Variants in DLGAP2 observed in about 807,000 individuals in gnomAD.
DLGAP2 encodes DLG associated protein 2.
DLGAP2 carries 26 observed loss-of-function variants against 100.3 expected under a neutral mutation model. The observed-to-expected ratio is 0.26, with a 90% CI of 0.19 to 0.36. The LOEUF (loss-of-function observed/expected upper bound fraction) is 0.36, where lower values mean the gene tolerates loss of function less well. Ranked by LOEUF, DLGAP2 falls within the 10% of genes least tolerant of loss-of-function variation. The pLI is 1.00. For synonymous variants in DLGAP2, 886 were observed against 630.1 expected, an observed-to-expected ratio of 1.41 and a Z score of -6.08; for missense variants, 1,858 against 1,453.2, an observed-to-expected ratio of 1.28 and a Z score of -4.53.
intron 2 of DLGAP2, among the ~76,000 whole-genome samples, chr8:1,017,565 G>T (rs57444586): frequency 1.3e-5 from 1 of 75,886 alleles, no homozygotes. Flanking sequence ...CACTGTGTGT[G>T]TGACCAGGAC....
At chr8:1,590,848 C>G (rs1370536176) in intron 6 of DLGAP2, among the ~76,000 whole-genome samples, 1 of 152,168 alleles carries the variant, frequency 6.6e-6, no homozygotes, top group Non-Finnish European at 1.5e-5. Context: ...GAGCCCCACC[C>G]CTGGCAGAGG....
At position 1,067,604 on chromosome 8, in the gene DLGAP2, C is replaced by T. The variant is rs112443816; in HGVS notation, c.73+159638C>T. Among the ~76,000 whole-genome samples, 15 of 140,404 alleles carry T rather than the reference C, an allele frequency of 1.1e-4. No individual in the cohort carries two copies. The East Asian group carries it at 2.2e-3, about 21-fold the overall frequency. 92.1% of individuals were successfully genotyped at this position (140,404 alleles called of 152,430 possible). On this transcript the variant is annotated intron_variant, in intron 2 of 14. Coordinates refer to ENST00000637795, the MANE Select transcript of DLGAP2 (RefSeq NM_001346810.2). ...AACCAAGACTCAGGTGGTTGAGTGA[C>T]GTGTGTGTGTGTGTGTGTGTGTGTG...
intron 2 of DLGAP2, among the ~76,000 whole-genome samples, chr8:1,161,361 A>G (rs1796885381): frequency 6.6e-6 from 1 of 152,160 alleles, no homozygotes; most frequent in African/African-American, 2.4e-5. Flanking sequence ...TTTTACAGGC[A>G]GGTGGAAGAT....
Position 1,706,119 on chromosome 8 carries a change from A to G in DLGAP2, c.*4713A>G, listed in dbSNP as rs1306792297. The G allele has an allele frequency of 6.6e-6, 1 of 152,238 alleles. No homozygotes were observed. The highest frequency in any genetic ancestry group is 2.4e-5 in the African/African-American group (1 of 41,466). 9.4% of individuals were successfully genotyped at this position (152,238 alleles called of 1,614,324 possible). A position where few individuals can be genotyped will look rare whatever the true frequency, so the allele number is the denominator to read the frequency against. On this transcript the variant is annotated 3_prime_UTR_variant, in exon 15 of 15. Transcript: ENST00000637795. Reference sequence around the variant, plus strand: ...GTGCTAAAGGAAAGGGTTTGCTTCTACACATTCGGCTGAATGTCCCCCAGT... The same window carrying G: ...GTGCTAAAGGAAAGGGTTTGCTTCTGCACATTCGGCTGAATGTCCCCCAGT...
chr8:1,067,087 G>A (rs965680009), intron 2 of DLGAP2, among the ~76,000 whole-genome samples: 3 of 152,146 alleles, frequency 2.0e-5, no homozygotes, highest in African/African-American at 7.2e-5. Context: ...GATCCCAGGT[G>A]GGTGGGTGGC....
intron 3 of DLGAP2, among the ~76,000 whole-genome samples, chr8:1,475,971 C>T (rs1216178554): frequency 1.3e-5 from 2 of 152,234 alleles, no homozygotes; most frequent in South Asian, 2.1e-4. Flanking sequence ...TTACTCTTCT[C>T]AAGTTTAATT....
chr8:1,062,729 G>A (rs1358827343), intron 2 of DLGAP2, among the ~76,000 whole-genome samples: 1 of 152,116 alleles, frequency 6.6e-6, no homozygotes, highest in Non-Finnish European at 1.5e-5. Context: ...TAGCAGCTGG[G>A]GGTAGTTGGG....
intron 1 of DLGAP2, among the ~76,000 whole-genome samples, chr8:889,204 G>A (rs963241630): frequency 6.6e-6 from 1 of 152,212 alleles, no homozygotes; most frequent in Non-Finnish European, 1.5e-5. Context: ...AATGTCATCA[G>A]TTAAGGCAGG....
At chr8:1,622,536 C>T (rs1272889298) in intron 6 of DLGAP2, 1 of 152,200 alleles carries the variant, frequency 6.6e-6, no homozygotes, top group Non-Finnish European at 1.5e-5. Context: ...GCTCTGGAAC[C>T]ATTCGCAAAG....
intron 6 of DLGAP2, among the ~76,000 whole-genome samples, chr8:1,582,093 A>G (rs57427188): frequency 6.6e-6 from 1 of 150,868 alleles, no homozygotes; most frequent in Admixed American, 6.6e-5. Flanking sequence ...CCCCGCACAC[A>G]TACACACCAC....
At chr8:1,325,772 G>T (rs553833464) in intron 3 of DLGAP2, among the ~76,000 whole-genome samples, 1 of 152,182 alleles carries the variant, frequency 6.6e-6, no homozygotes, top group South Asian at 2.1e-4. Flanking sequence ...TTCCTGAGAC[G>T]GGTGAAATGT....
intron 2 of DLGAP2, among the ~76,000 whole-genome samples, chr8:1,239,374 C>G (rs1184978572): frequency 1.7e-4 from 4 of 23,150 alleles, no homozygotes; most frequent in South Asian, 1.4e-3. Context: ...GGCGCCGTGT[C>G]TAGTTCTCTC....
intron 2 of DLGAP2, among the ~76,000 whole-genome samples, chr8:1,147,267 G>A (rs78696116): frequency 0.027 from 4,159 of 152,058 alleles, 102 homozygotes; most frequent in African/African-American, 0.074. Flanking sequence ...TCAAAAAAAT[G>A]ATGCTTTTGT....
At chr8:1,130,104 A>G (rs80279207) in intron 2 of DLGAP2, among the ~76,000 whole-genome samples, 72 of 2,092 alleles carry the variant, frequency 0.034, no homozygotes, top group Non-Finnish European at 0.057. Flanking sequence ...ACTTCACGCG[A>G]GTTAAGGGAT....
intron 3 of DLGAP2, among the ~76,000 whole-genome samples, chr8:1,466,103 G>A (rs1798619254): frequency 6.6e-6 from 1 of 152,172 alleles, no homozygotes; most frequent in African/African-American, 2.4e-5. Context: ...TGCATTTTGA[G>A]TAATAAATTA....
At position 1,605,432 on chromosome 8, in the gene DLGAP2, G is replaced by A. The variant is rs117222747; in HGVS notation, c.1443-21308G>A. Among the ~76,000 whole-genome samples, 719 of 152,274 alleles carry A rather than the reference G, an allele frequency of 4.7e-3. 17 individuals carry two copies. The East Asian group carries it at 0.062, about 13-fold the overall frequency. On this transcript the variant is annotated intron_variant, in intron 6 of 14. Transcript: ENST00000637795. ...CATATTCCCCTGACGTCTTCTGTTC[G>A]TGACTTGAAGGAAGCAGATGATCAC...
At chr8:870,950 C>G (rs527464274) in intron 1 of DLGAP2, among the ~76,000 whole-genome samples, 1 of 152,196 alleles carries the variant, frequency 6.6e-6, no homozygotes, top group Non-Finnish European at 1.5e-5. Context: ...TTCCAAAATG[C>G]GTAACTGTGG....
intron 8 of DLGAP2, among the ~76,000 whole-genome samples, chr8:1,641,935 C>T (rs1186101079): frequency 1.0e-4 from 12 of 120,324 alleles, no homozygotes; most frequent in South Asian, 2.8e-4. Context: ...GTGTCACCCT[C>T]GACCCCGCCG....
At chr8:810,605 C>A (rs1435925973) in intron 1 of DLGAP2, among the ~76,000 whole-genome samples, 1 of 152,262 alleles carries the variant, frequency 6.6e-6, no homozygotes, top group South Asian at 2.1e-4. Context: ...CCATTGTTTA[C>A]TAAATTCTGT....
Sources: allele counts gnomAD v4.1 joint callset (sites outside exome capture counted in the v4.1 genomes callset), GRCh38; gene constraint gnomAD v4.1.1; transcripts MANE v1.5; gene names NCBI Gene and HGNC (gene_info 2026-07-23, HGNC 2026-07-21).